CSGALNACT1: variants seen among roughly 807,000 people sequenced by gnomAD.
The protein encoded by CSGALNACT1 is chondroitin sulfate N-acetylgalactosaminyltransferase 1.
A neutral mutation model predicts 51.0 loss-of-function variants in CSGALNACT1; 52 were observed. The ratio of observed to expected loss-of-function variants is 1.02; its 90% CI spans 0.82 to 1.29. The LOEUF is 1.29. Ranked by LOEUF, CSGALNACT1 falls within the 50% of genes most tolerant of loss-of-function variation. The pLI is 0.00. For synonymous variants in CSGALNACT1, 341 were observed against 254.4 expected (o/e 1.34, Z -3.24); for missense variants, 935 against 679.2 (o/e 1.38, Z -4.19).
intron 3 of CSGALNACT1, among the ~76,000 whole-genome samples, chr8:19,513,455 T>TATATATATAC (rs1554650251): frequency 1.7e-4 from 24 of 141,852 alleles, no homozygotes; most frequent in African/African-American, 6.2e-4. Flanking sequence ...TATATATATA[T>TATATATATAC]ATATATATTT....
chr8:19,703,251 T>C (rs962250915), intron 1 of CSGALNACT1, among the ~76,000 whole-genome samples: 4 of 152,132 alleles, frequency 2.6e-5, no homozygotes, highest in Non-Finnish European at 5.9e-5. Flanking sequence ...TGACTTGGGA[T>C]TTGAGCCACT....
At chr8:19,594,845 C>T (rs972432635) in intron 2 of CSGALNACT1, among the ~76,000 whole-genome samples, 1 of 152,126 alleles carries the variant, frequency 6.6e-6, no homozygotes, top group South Asian at 2.1e-4. Flanking sequence ...AGCCACCACA[C>T]CCGGACTTTA....
At chr8:19,737,006 T>C (rs1164988324) in intron 1 of CSGALNACT1, among the ~76,000 whole-genome samples, 1 of 152,086 alleles carries the variant, frequency 6.6e-6, no homozygotes, top group Non-Finnish European at 1.5e-5. Flanking sequence ...CAAAGATATT[T>C]AAAGCAGCCA....
chr8:19,562,783 T>C (rs994790293), intron 3 of CSGALNACT1, among the ~76,000 whole-genome samples: 9 of 152,206 alleles, frequency 5.9e-5, no homozygotes, highest in African/African-American at 1.9e-4. Context: ...AAACAAAAAA[T>C]ACTGGCAAGG....
chr8:19,666,497 C>T (rs569258585), intron 1 of CSGALNACT1, among the ~76,000 whole-genome samples: 35 of 151,844 alleles, frequency 2.3e-4, no homozygotes, highest in Non-Finnish European at 2.9e-4. Flanking sequence ...GAGTTCAGAC[C>T]AGCCTGGCCA....
chr8:19,457,577 C>CACTCCAGCCTGGGTGACAGAGTAAG (rs1207816068), intron 5 of CSGALNACT1: 1 of 885,700 alleles, frequency 1.1e-6, no homozygotes, highest in Admixed American at 2.3e-5. Flanking sequence ...CGTGCCACTG[C>CACTCCAGCCTGGGTGACAGAGTAAG]ACTCCAGCCT....
chr8:19,459,274 T>C (rs943230890), intron 4 of CSGALNACT1, among the ~76,000 whole-genome samples: 6 of 150,916 alleles, frequency 4.0e-5, no homozygotes, highest in African/African-American at 1.5e-4. Flanking sequence ...CCCTGGCTAC[T>C]TGGGAGGCTG....
chr8:19,515,347 T>C (rs1003555013), intron 3 of CSGALNACT1, among the ~76,000 whole-genome samples: 2 of 152,162 alleles, frequency 1.3e-5, no homozygotes, highest in African/African-American at 2.4e-5. Flanking sequence ...GAGTCTTCCC[T>C]GTGAGGTCCC....
At chr8:19,610,116 C>A (rs536481456) in intron 1 of CSGALNACT1, among the ~76,000 whole-genome samples, 1 of 150,842 alleles carries the variant, frequency 6.6e-6, no homozygotes, top group Non-Finnish European at 1.5e-5. Flanking sequence ...CAGCTAAAAC[C>A]CCGTCTCTAC....
At position 19,510,362 on chromosome 8, in the gene CSGALNACT1, A is replaced by C. The variant is rs111598226; in HGVS notation, c.-296-4232T>G. On this transcript the variant is annotated intron_variant, in intron 3 of 9. Transcript: ENST00000454498. ...AGCAATGCTTGTAGGACTCACTCCG[A>C]TCTGAGACCCAGAAACAACCTCCAA... is the stretch of plus-strand genomic sequence containing the variant. Among the ~76,000 whole-genome samples the C allele has an allele frequency of 7.0e-4, 107 of 152,328 alleles. No individual in the cohort carries two copies. In the Middle Eastern group the frequency reaches 0.017, roughly 24 times the overall value.
chr8:19,718,495 C>G (rs1357787111), intron 1 of CSGALNACT1, among the ~76,000 whole-genome samples: 1 of 152,194 alleles, frequency 6.6e-6, no homozygotes, highest in African/African-American at 2.4e-5. Context: ...ACAAAACGCA[C>G]AGTTGCAGCA....
At chr8:19,658,143 G>C (rs1356362934) in intron 1 of CSGALNACT1, among the ~76,000 whole-genome samples, 1 of 148,106 alleles carries the variant, frequency 6.8e-6, no homozygotes, top group Non-Finnish European at 1.5e-5. Context: ...CCTTTGGAAA[G>C]TGATTAGGGC....
chr8:19,667,258 CAAA>C (rs928798627), intron 1 of CSGALNACT1, among the ~76,000 whole-genome samples: 4 of 101,558 alleles, frequency 3.9e-5, no homozygotes, highest in Non-Finnish European at 2.2e-5. Context: ...CCATCTCTAC[CAAA>C]AAAAAAAAAA....
intron 1 of CSGALNACT1, among the ~76,000 whole-genome samples, chr8:19,636,172 T>C (rs896263539): frequency 2.6e-5 from 4 of 152,178 alleles, no homozygotes; most frequent in Non-Finnish European, 5.9e-5. Flanking sequence ...GCGAGTACAA[T>C]ACAATAAGGT....
upstream of CSGALNACT1, among the ~76,000 whole-genome samples, chr8:19,683,669 T>C (rs1242004314): frequency 6.6e-6 from 1 of 152,228 alleles, no homozygotes; most frequent in Non-Finnish European, 1.5e-5. Context: ...TAATTTATTA[T>C]ATAGATCTCA....
At chr8:19,577,079 G>A (rs949986556) in intron 3 of CSGALNACT1, among the ~76,000 whole-genome samples, 7 of 151,972 alleles carry the variant, frequency 4.6e-5, no homozygotes, top group Non-Finnish European at 8.8e-5. Context: ...GAGAGAGAGG[G>A]TAACATGTAT....
chr8:19,584,928 G>T (rs865997710), intron 3 of CSGALNACT1, among the ~76,000 whole-genome samples: 2 of 152,112 alleles, frequency 1.3e-5, no homozygotes, highest in Non-Finnish European at 2.9e-5. Context: ...GATGGGGCAG[G>T]GGGACCTCAA....
chr8:19,732,533 A>C, intron 1 of CSGALNACT1: 1 of 152,272 alleles, frequency 6.6e-6, no homozygotes, highest in Non-Finnish European at 1.5e-5. Flanking sequence ...ATGTGTCTTC[A>C]TGGGACTTTC....
At chr8:19,669,259 G>A (rs937724853) in intron 1 of CSGALNACT1, among the ~76,000 whole-genome samples, 2 of 152,152 alleles carry the variant, frequency 1.3e-5, no homozygotes, top group South Asian at 2.1e-4. Context: ...CACAGAAGAG[G>A]AAAATGACTA....
Sources: allele counts gnomAD v4.1 joint callset (sites outside exome capture counted in the v4.1 genomes callset), GRCh38; gene constraint gnomAD v4.1.1; transcripts MANE v1.5; gene names NCBI Gene and HGNC (gene_info 2026-07-23, HGNC 2026-07-21).